Variants in ANKFY1 observed in about 807,000 individuals in gnomAD.
ANKFY1 encodes the protein ankyrin repeat and FYVE domain-containing protein 1.
In ANKFY1, 47 loss-of-function variants were observed where a neutral mutation model predicts 128.3. The observed-to-expected ratio is 0.37, with a 90% CI of 0.29 to 0.47. The LOEUF (loss-of-function observed/expected upper bound fraction) is 0.47, where lower values mean the gene tolerates loss of function less well. ANKFY1 is among the 20% of genes least tolerant of loss of function. The pLI is 1.00. For synonymous variants in ANKFY1, 553 were observed against 601.6 expected, an observed-to-expected ratio of 0.92 and a Z score of 1.18; for missense variants, 1,222 against 1,510.6, an observed-to-expected ratio of 0.81 and a Z score of 3.17.
Position 4,194,910 on chromosome 17 carries a change from G to C in ANKFY1, c.1372+68C>G, listed in dbSNP as rs2059788427. The C allele has an allele frequency of 4.1e-6, 6 of 1,479,700 alleles. No individual in the cohort carries two copies. The Admixed American group carries it at 1.1e-4, about 26-fold the overall frequency. The allele number at this position is 1,479,700 out of a possible 1,614,324, so 91.7% of individuals were successfully genotyped here. ...TTCAGTTTCTAAATTTGGGGTGAAGGCATTTACATGCCATTTCCTGGCGCC... is the reference window on the plus strand; with the variant it reads ...TTCAGTTTCTAAATTTGGGGTGAAGCCATTTACATGCCATTTCCTGGCGCC... On this transcript the variant is annotated intron_variant, in intron 10 of 24. Coordinates refer to ENST00000341657, the MANE Select transcript of ANKFY1 (RefSeq NM_001330063.2).
Position 4,208,047 on chromosome 17 carries a change from G to A in ANKFY1, c.618C>T (p.Ser206=), listed in dbSNP as rs777687771. The change falls in exon 6 of 25, where the codon AGC becomes AGT. Residue 206 remains serine (S), a synonymous_variant. Coordinates refer to ENST00000341657, the MANE Select transcript of ANKFY1 (RefSeq NM_001330063.2). ...TGATCATTTTGTATAACAACTGAGCGCTCATGCTGCTGAAATCCTCCTTCC... is the reference window on the plus strand; with the variant it reads ...TGATCATTTTGTATAACAACTGAGCACTCATGCTGCTGAAATCCTCCTTCC... ...DLRKEDFSSM[S]AQLLYKMIKS... 22 of 1,609,402 alleles carry A rather than the reference G, an allele frequency of 1.4e-5. No homozygotes were observed. Among genetic ancestry groups the A allele is most frequent in the Middle Eastern group, 1.6e-4 (1 of 6,078 alleles).
chr17:4,242,088 CAAAA>C (rs34447049), intron 2 of ANKFY1, among the ~76,000 whole-genome samples, 164 bp downstream of exon 2: 4 of 132,394 alleles, frequency 3.0e-5, no homozygotes, highest in African/African-American at 2.8e-5. Flanking sequence ...GACTCCAACT[CAAAA>C]AAAAAAAAAA....
intron 3 of ANKFY1, among the ~76,000 whole-genome samples, chr17:4,219,399 C>A (rs2060272487): frequency 6.6e-6 from 1 of 152,170 alleles, no homozygotes; most frequent in Non-Finnish European, 1.5e-5. Flanking sequence ...CTACCCCAGA[C>A]CTGCTGAATG....
intron 7 of ANKFY1, among the ~76,000 whole-genome samples, chr17:4,205,814 C>T (rs951095191): frequency 5.3e-5 from 8 of 152,060 alleles, no homozygotes; most frequent in Admixed American, 4.6e-4. Context: ...ATTAACAATG[C>T]ATTCAAAATA....
At chr17:4,223,091 A>G in intron 3 of ANKFY1, 1 of 728,842 alleles carries the variant, frequency 1.4e-6, no homozygotes, top group Non-Finnish European at 2.5e-6. Flanking sequence ...TAGATAAAAA[A>G]GATCCAAATA....
At chr17:4,263,605 G>A in intron 1 of ANKFY1, 1 of 1,534,924 alleles carries the variant, frequency 6.5e-7, no homozygotes, top group South Asian at 1.2e-5. Context: ...TTCCCCCGGC[G>A]TCCCGGCACC....
At chr17:4,245,872 C>T (rs1967514920) in intron 1 of ANKFY1, among the ~76,000 whole-genome samples, 1 of 152,012 alleles carries the variant, frequency 6.6e-6, no homozygotes, top group Admixed American at 6.6e-5. Context: ...GGTGAAACCC[C>T]ATCTCTACTA....
At chr17:4,255,904 G>T (rs566064823) in intron 1 of ANKFY1, among the ~76,000 whole-genome samples, 2 of 151,288 alleles carry the variant, frequency 1.3e-5, no homozygotes, top group Non-Finnish European at 2.9e-5. Flanking sequence ...TGCAACCTCC[G>T]CTTCCCAGGT....
rs145440352 is a variant in ANKFY1 at position 4,211,175 on chromosome 17, G to A, written c.459-1228C>T. On this transcript the variant is annotated intron_variant, in intron 4 of 24. Transcript: ENST00000341657. Reference sequence around the variant, plus strand: ...TCCTAGCTCTTTCAGAAGCCAAGGCGGGCAGATTGCCTGAGCTCAGGAGGT... The same window carrying A: ...TCCTAGCTCTTTCAGAAGCCAAGGCAGGCAGATTGCCTGAGCTCAGGAGGT... 6.0e-4 allele frequency among the ~76,000 whole-genome samples: 91 copies of A among 152,050 alleles called. No homozygotes were observed. The South Asian group carries it at 0.014, about 24-fold the overall frequency.
At chr17:4,190,817 CA>C (rs1420653472) in intron 10 of ANKFY1, among the ~76,000 whole-genome samples, 3 of 152,008 alleles carry the variant, frequency 2.0e-5, no homozygotes, top group Non-Finnish European at 4.4e-5. Flanking sequence ...CTAAATAAAC[CA>C]AACACCAGGA....
chr17:4,196,143 CTACACACA>C (rs1480659864), intron 8 of ANKFY1, among the ~76,000 whole-genome samples: 4 of 16,010 alleles, frequency 2.5e-4, no homozygotes, highest in South Asian at 4.2e-3. Context: ...GCTGCATCTA[CTACACACA>C]CACACACACA....
intron 3 of ANKFY1, among the ~76,000 whole-genome samples, chr17:4,224,595 A>G (rs2060390420): frequency 6.6e-6 from 1 of 152,194 alleles, no homozygotes; most frequent in African/African-American, 2.4e-5. Context: ...ATTTAAAGAA[A>G]AGCTAGAGGA....
At chr17:4,231,844 G>T (rs1300030453) in intron 3 of ANKFY1, among the ~76,000 whole-genome samples, 1 of 151,924 alleles carries the variant, frequency 6.6e-6, no homozygotes, top group African/African-American at 2.4e-5. Flanking sequence ...GGCTGAGGTG[G>T]GAGGATCACC....
At chr17:4,175,945 G>A (rs980274436) in intron 19 of ANKFY1, among the ~76,000 whole-genome samples, 14 of 152,302 alleles carry the variant, frequency 9.2e-5, no homozygotes, top group Admixed American at 7.2e-4. Flanking sequence ...GCCCCAGGAA[G>A]GCGGGGTCCT....
Position 4,217,057 on chromosome 17 carries a change from G to C in ANKFY1, c.384C>G (p.Phe128Leu). 1.2e-6 allele frequency: 2 copies of C among 1,613,996 alleles called. No homozygotes were observed. The highest frequency in any genetic ancestry group is 1.7e-6 in the Non-Finnish European group (2 of 1,180,034). Reference sequence around the variant, plus strand: ...CAGTCAGGAACACATCATCCTCTCTGAACTCCAGCTCATCTGTATAGATCC... The same window carrying C: ...CAGTCAGGAACACATCATCCTCTCTCAACTCCAGCTCATCTGTATAGATCC... The part of the protein sequence containing the change: ...LRWIYTDELE[F>L]REDDVFLTEL... The change falls in exon 4 of 25, where the codon TTC becomes TTG. Residue 128 changes from phenylalanine (F) to leucine (L), a missense_variant. Phe to Leu is a conservative substitution (Grantham distance 22). Coordinates refer to ENST00000341657, the MANE Select transcript of ANKFY1 (RefSeq NM_001330063.2).
At chr17:4,172,182 A>T (rs2059333660) in intron 22 of ANKFY1, among the ~76,000 whole-genome samples, 1 of 152,142 alleles carries the variant, frequency 6.6e-6, no homozygotes, top group Non-Finnish European at 1.5e-5. Context: ...CCGACACATG[A>T]TCTAGCACAT....
At chr17:4,211,397 A>G (rs76874353) in intron 4 of ANKFY1, among the ~76,000 whole-genome samples, 1 of 149,526 alleles carries the variant, frequency 6.7e-6, no homozygotes, top group Non-Finnish European at 1.5e-5. Flanking sequence ...ACTCGTCTCA[A>G]AAAAAAAAAA....
intron 3 of ANKFY1, among the ~76,000 whole-genome samples, chr17:4,224,383 C>T (rs1041625075): frequency 4.0e-5 from 6 of 151,822 alleles, no homozygotes; most frequent in Admixed American, 2.0e-4. Context: ...CCACCACGCC[C>T]GACTAATTTT....
At position 4,183,852 on chromosome 17, in the gene ANKFY1, A is replaced by G; in HGVS notation, c.1758T>C (p.Asp586=). ...GGCCCAGCACAGTCTGGTCTCGGGA[A>G]TCTTTGAGGCTGAAGTCCGGAATGA... The part of the protein sequence containing the change: ...LQIIPDFSLK[D]SRDQTVLGLA... The change falls in exon 13 of 25, where the codon GAT becomes GAC. Residue 586 remains aspartate, a synonymous_variant. Coordinates refer to ENST00000341657, the MANE Select transcript of ANKFY1 (RefSeq NM_001330063.2). 1 of 1,614,074 alleles carries G rather than the reference A, an allele frequency of 6.2e-7. No individual in the cohort carries two copies. Among genetic ancestry groups the G allele is most frequent in the Non-Finnish European group, 8.5e-7 (1 of 1,179,890 alleles).
Sources: allele counts gnomAD v4.1 joint callset (sites outside exome capture counted in the v4.1 genomes callset), GRCh38; gene constraint gnomAD v4.1.1; transcripts MANE v1.5; gene names NCBI Gene and HGNC (gene_info 2026-07-23, HGNC 2026-07-21).